FSTL5: variants seen among roughly 807,000 people sequenced by gnomAD.
The protein encoded by FSTL5 is follistatin-related protein 5.
FSTL5 carries 62 observed loss-of-function variants against 89.1 expected under a neutral mutation model. The ratio of observed to expected loss-of-function variants is 0.70; its 90% confidence interval spans 0.57 to 0.86. The LOEUF (loss-of-function observed/expected upper bound fraction) is 0.86. Ranked by LOEUF, FSTL5 falls within the 40% of genes least tolerant of loss-of-function variation. FSTL5 has a pLI of 0.00. For missense variants in FSTL5, 1,057 were observed against 1,001.6 expected (o/e 1.06, Z -0.75); for synonymous variants, 383 against 346.2 (o/e 1.11, Z -1.18).
intron 1 of FSTL5, among the ~76,000 whole-genome samples, chr4:162,160,151 T>C (rs1168427709): frequency 6.6e-6 from 1 of 151,944 alleles, no homozygotes; most frequent in Non-Finnish European, 1.5e-5. Flanking sequence ...TACACACGTA[T>C]ATACATTCTA....
chr4:161,859,294 A>G (rs1209479593), intron 4 of FSTL5, among the ~76,000 whole-genome samples: 1 of 152,132 alleles, frequency 6.6e-6, no homozygotes, highest in African/African-American at 2.4e-5. Context: ...CTAATTTACA[A>G]ACCTTTCTCA....
intron 6 of FSTL5, among the ~76,000 whole-genome samples, chr4:161,670,722 A>G (rs1039070256): frequency 6.6e-6 from 1 of 152,156 alleles, no homozygotes; most frequent in Admixed American, 6.5e-5. Context: ...AACAGATGTA[A>G]AATACGGGGA....
At chr4:161,675,532 A>G (rs774448386) in intron 6 of FSTL5, among the ~76,000 whole-genome samples, 1 of 143,022 alleles carries the variant, frequency 7.0e-6, no homozygotes, top group Non-Finnish European at 1.5e-5. Flanking sequence ...TTTTTTATTT[A>G]TCAAAATTCT....
At chr4:161,860,700 G>C (rs1209418905) in intron 4 of FSTL5, among the ~76,000 whole-genome samples, 2 of 152,132 alleles carry the variant, frequency 1.3e-5, no homozygotes, top group African/African-American at 4.8e-5. Flanking sequence ...TCTGAGAAGG[G>C]AGTAAAGCCT....
chr4:161,437,013 T>C (rs925376176), intron 15 of FSTL5, among the ~76,000 whole-genome samples: 1 of 152,186 alleles, frequency 6.6e-6, no homozygotes, highest in Non-Finnish European at 1.5e-5. Context: ...CTTATTCTCA[T>C]AATGAAGACA....
At chr4:162,124,448 T>C (rs1234327544) in intron 1 of FSTL5, among the ~76,000 whole-genome samples, 3 of 152,178 alleles carry the variant, frequency 2.0e-5, no homozygotes, top group Non-Finnish European at 2.9e-5. Context: ...GAATATAAAA[T>C]TCCCAGTATA....
chr4:161,918,476 A>G (rs10023313), intron 4 of FSTL5, among the ~76,000 whole-genome samples: 136,729 of 152,062 alleles, frequency 0.9, 61,970 homozygotes, highest in Non-Finnish European at 0.96. Flanking sequence ...GTATAAGCTC[A>G]AAGAACAAAA....
intron 7 of FSTL5, among the ~76,000 whole-genome samples, chr4:161,622,035 AGAATT>A: frequency 6.6e-6 from 1 of 152,102 alleles, no homozygotes; most frequent in Non-Finnish European, 1.5e-5. Context: ...TACTAGTATT[AGAATT>A]GAGATAGGTG....
chr4:161,706,176 T>C (rs1163578837), intron 6 of FSTL5, among the ~76,000 whole-genome samples: 1 of 151,104 alleles, frequency 6.6e-6, no homozygotes, highest in Non-Finnish European at 1.5e-5. Context: ...CTTTTGAGAC[T>C]TAACTGCATT....
chr4:161,563,880 C>A (rs80347881), intron 8 of FSTL5, among the ~76,000 whole-genome samples: 2 of 151,746 alleles, frequency 1.3e-5, no homozygotes, highest in Non-Finnish European at 2.9e-5. Context: ...TAAGTAGTAG[C>A]GCCTTACTAC....
chr4:161,493,379 G>C (rs566082568), intron 12 of FSTL5, among the ~76,000 whole-genome samples: 50 of 151,736 alleles, frequency 3.3e-4, no homozygotes, highest in African/African-American at 1.0e-3. Context: ...TGTAGCAATT[G>C]ATTGTATGAG....
intron 4 of FSTL5, among the ~76,000 whole-genome samples, chr4:161,813,495 C>A (rs12511993): frequency 0.28 from 43,183 of 151,966 alleles, 6,268 homozygotes; most frequent in South Asian, 0.38. Flanking sequence ...AATTATGAAA[C>A]GATCATGGAA....
Position 161,509,895 on chromosome 4 carries a change from C to T in FSTL5, c.1339+503G>A, listed in dbSNP as rs112846318. The stretch of plus-strand genomic sequence containing the variant: ...AATAACTAAAGAACTGATAACAACC[C>T]TACTGAGTATTAACAACTACTATAC... On this transcript the variant is annotated intron_variant, in intron 11 of 15. Coordinates refer to ENST00000306100, the MANE Select transcript of FSTL5 (RefSeq NM_020116.5). Among the ~76,000 whole-genome samples the T allele has an allele frequency of 5.8e-3, 883 of 152,236 alleles. 4 individuals are homozygous for T. The highest frequency in any genetic ancestry group is 0.02 in the African/African-American group (839 of 41,564).
chr4:161,558,718 A>G (rs576781121), intron 8 of FSTL5, among the ~76,000 whole-genome samples: 3 of 151,962 alleles, frequency 2.0e-5, no homozygotes, highest in East Asian at 3.9e-4. Flanking sequence ...ATCTCTCAAT[A>G]TGCCACCTTC....
At chr4:161,941,656 T>C (rs891541743) in intron 3 of FSTL5, among the ~76,000 whole-genome samples, 1 of 151,952 alleles carries the variant, frequency 6.6e-6, no homozygotes, top group Non-Finnish European at 1.5e-5. Context: ...TGAAGGGACC[T>C]TGGCAGCATT....
chr4:161,843,177 C>A (rs894223067), intron 4 of FSTL5, among the ~76,000 whole-genome samples: 1 of 152,092 alleles, frequency 6.6e-6, no homozygotes, highest in Non-Finnish European at 1.5e-5. Flanking sequence ...GTCACAGGTT[C>A]TAAAAAGTTA....
intron 6 of FSTL5, among the ~76,000 whole-genome samples, chr4:161,683,688 T>A (rs1027590095): frequency 6.6e-6 from 1 of 152,196 alleles, no homozygotes; most frequent in East Asian, 1.9e-4. Context: ...CATGCATGCA[T>A]ATAATATAAA....
At chr4:161,562,580 T>A (rs137965082) in intron 8 of FSTL5, among the ~76,000 whole-genome samples, 7 of 151,246 alleles carry the variant, frequency 4.6e-5, no homozygotes, top group Middle Eastern at 3.5e-3. Context: ...CTTAATTACC[T>A]ATTTTTTGAT....
intron 7 of FSTL5, among the ~76,000 whole-genome samples, chr4:161,638,593 T>C (rs1219277124): frequency 6.7e-6 from 1 of 149,960 alleles, no homozygotes; most frequent in East Asian, 2.0e-4. Flanking sequence ...GTACCATTCC[T>C]TCTGAAACTA....
Sources: allele counts gnomAD v4.1 joint callset (sites outside exome capture counted in the v4.1 genomes callset), GRCh38; gene constraint gnomAD v4.1.1; transcripts MANE v1.5; gene names NCBI Gene and HGNC (gene_info 2026-07-23, HGNC 2026-07-21).